The following DCC variants were observed in gnomAD, a reference collection of about 807,000 sequenced individuals.
DCC encodes the protein netrin receptor DCC.
A neutral mutation model predicts 172.5 loss-of-function variants in DCC; 58 were observed. That is an observed-to-expected ratio of 0.34 (90% CI 0.27 to 0.42). The LOEUF is 0.42. DCC is among the 10% of genes least tolerant of loss of function. DCC has a pLI of 1.00. For missense variants in DCC, 1,740 were observed against 1,791.0 expected (o/e 0.97, Z 0.51); for synonymous variants, 709 against 644.5 (o/e 1.10, Z -1.52).
intron 2 of DCC, among the ~76,000 whole-genome samples, chr18:52,886,722 T>A (rs552292405): frequency 6.6e-6 from 1 of 152,004 alleles, no homozygotes; most frequent in Admixed American, 6.5e-5. Context: ...CAGAGTCTCT[T>A]TAGCGATATG....
intron 2 of DCC, among the ~76,000 whole-genome samples, chr18:52,810,274 A>AC (rs2038169588): frequency 6.6e-6 from 1 of 152,276 alleles, no homozygotes; most frequent in African/African-American, 2.4e-5. Flanking sequence ...GGGGATCCAA[A>AC]CCAGCACAGA....
intron 7 of DCC, among the ~76,000 whole-genome samples, chr18:53,130,909 G>T (rs1414873974): frequency 2.0e-5 from 3 of 151,882 alleles, no homozygotes; most frequent in Admixed American, 2.0e-4. Flanking sequence ...AGTTTTAATT[G>T]TACACGGGAT....
intron 2 of DCC, among the ~76,000 whole-genome samples, chr18:52,852,410 G>C (rs1357737884): frequency 6.6e-6 from 1 of 152,054 alleles, no homozygotes; most frequent in East Asian, 1.9e-4. Flanking sequence ...TTAAAAAACT[G>C]CATTTGCAGC....
intron 7 of DCC, among the ~76,000 whole-genome samples, chr18:53,089,291 G>A (rs145997788): frequency 2.7e-3 from 404 of 152,156 alleles, no homozygotes; most frequent in Non-Finnish European, 5.0e-3. Flanking sequence ...TCACCTTGTT[G>A]GCCAGGCTGG....
chr18:52,561,288 A>G (rs373560485), intron 1 of DCC, among the ~76,000 whole-genome samples: 8 of 151,682 alleles, frequency 5.3e-5, no homozygotes, highest in Admixed American at 6.6e-5. Context: ...ATGTGTGTGT[A>G]TGTGTGTATG....
intron 5 of DCC, among the ~76,000 whole-genome samples, chr18:53,023,639 G>A (rs1352773492): frequency 6.6e-6 from 1 of 152,020 alleles, no homozygotes; most frequent in Non-Finnish European, 1.5e-5. Flanking sequence ...TTTGAGAGAT[G>A]CTTCTTCATT....
At chr18:53,040,828 T>C (rs2042158874) in intron 5 of DCC, among the ~76,000 whole-genome samples, 2 of 151,830 alleles carry the variant, frequency 1.3e-5, no homozygotes, top group African/African-American at 4.8e-5. Context: ...ACCAGGGAGC[T>C]GCAAATGTGG....
intron 1 of DCC, among the ~76,000 whole-genome samples, chr18:52,544,993 C>G (rs1345861153): frequency 6.6e-6 from 1 of 152,084 alleles, no homozygotes; most frequent in Non-Finnish European, 1.5e-5. Flanking sequence ...CAATTAAGAA[C>G]TTTTTAAGAA....
At chr18:52,440,368 T>C (rs1047925782) in intron 1 of DCC, among the ~76,000 whole-genome samples, 1 of 152,230 alleles carries the variant, frequency 6.6e-6, no homozygotes, top group African/African-American at 2.4e-5. Flanking sequence ...TTTCTTTTTA[T>C]CATTTTTTCT....
intron 1 of DCC, among the ~76,000 whole-genome samples, chr18:52,684,275 C>T (rs879856460): frequency 3.3e-5 from 5 of 152,002 alleles, no homozygotes; most frequent in South Asian, 4.1e-4. Flanking sequence ...GTGAATAAGT[C>T]GTGGGGTTAG....
chr18:52,718,900 A>G (rs1243661267), intron 1 of DCC, among the ~76,000 whole-genome samples: 1 of 152,200 alleles, frequency 6.6e-6, no homozygotes, highest in African/African-American at 2.4e-5. Flanking sequence ...AAGGCATTTC[A>G]CAAATTGGAT....
At chr18:53,165,416 C>T (rs1293070593) in intron 8 of DCC, among the ~76,000 whole-genome samples, 2 of 152,140 alleles carry the variant, frequency 1.3e-5, no homozygotes, top group Non-Finnish European at 2.9e-5. Context: ...TCTTTCCCCG[C>T]TCTTCAGAGT....
intron 1 of DCC, among the ~76,000 whole-genome samples, chr18:52,715,297 T>TTTC (rs1456957120): frequency 6.7e-6 from 1 of 150,126 alleles, no homozygotes; most frequent in Non-Finnish European, 1.5e-5. Context: ...TTTCTTTTCT[T>TTTC]TTTTTTTTAT....
At chr18:53,257,957 G>A (rs186158855) in intron 12 of DCC, among the ~76,000 whole-genome samples, 74 of 152,204 alleles carry the variant, frequency 4.9e-4, no homozygotes, top group African/African-American at 1.3e-3. Context: ...TATGTGTGGA[G>A]GCATTTATCC....
At chr18:52,783,321 C>CTTT (rs1568100450) in intron 2 of DCC, among the ~76,000 whole-genome samples, 1 of 62,116 alleles carries the variant, frequency 1.6e-5, no homozygotes, top group Non-Finnish European at 3.0e-5. Context: ...TATACTACTA[C>CTTT]TCTTTTTTTT....
chr18:53,095,729 A>T (rs936489025), intron 7 of DCC, among the ~76,000 whole-genome samples: 2 of 150,558 alleles, frequency 1.3e-5, no homozygotes, highest in Non-Finnish European at 3.0e-5. Context: ...TAATTTATTT[A>T]TATCCGTAAT....
intron 3 of DCC, among the ~76,000 whole-genome samples, chr18:52,908,284 A>G: frequency 6.6e-6 from 1 of 152,228 alleles, no homozygotes; most frequent in African/African-American, 2.4e-5. Context: ...CTACTCCATT[A>G]GTCACAGGGA....
rs1006929628 is a variant in DCC at position 53,532,996 on chromosome 18, G to A, written c.*2343G>A. ...CTTTCTTCATTAAATAGAATGGTTT[G>A]TCTTAGTAACTGGCAATGCCAGTAT... On this transcript the variant is annotated 3_prime_UTR_variant, in exon 29 of 29. Transcript: ENST00000442544. 2.6e-5 allele frequency: 4 copies of A among 152,116 alleles called. No homozygotes were observed. Among genetic ancestry groups the A allele is most frequent in the African/African-American group, 9.7e-5 (4 of 41,428 alleles). 9.4% of individuals were successfully genotyped at this position (152,116 alleles called of 1,614,324 possible).
At chr18:52,599,410 CAT>C (rs1427858692) in intron 1 of DCC, among the ~76,000 whole-genome samples, 5 of 152,094 alleles carry the variant, frequency 3.3e-5, no homozygotes, top group African/African-American at 9.7e-5. Context: ...TGAAAGCAGT[CAT>C]AGACAATACA....
Sources: gnomAD v4.1 joint callset for allele counts (sites outside exome capture counted in the v4.1 genomes callset) on GRCh38, gnomAD v4.1.1 for gene constraint, MANE v1.5 for transcripts, NCBI Gene and HGNC (gene_info 2026-07-23, HGNC 2026-07-21) for gene names.